Variants in KANSL1 observed in about 807,000 individuals in gnomAD.
KANSL1 encodes the protein MLL1/MLL complex subunit KANSL1.
Under a neutral mutation model 103.6 loss-of-function variants are expected in KANSL1, and 22 were observed. That is an observed-to-expected ratio of 0.21 (90% CI 0.15 to 0.30). The LOEUF is 0.30. Among genes scored for constraint, KANSL1 ranks in the 10% least tolerant of loss-of-function variants. KANSL1 has a pLI of 1.00. For missense variants in KANSL1, 1,337 were observed against 1,399.8 expected (o/e 0.96, Z 0.72); for synonymous variants, 600 against 527.6 (o/e 1.14, Z -1.88).
intron 2 of KANSL1, among the ~76,000 whole-genome samples, chr17:46,121,731 A>C (rs2043288985): frequency 6.6e-6 from 1 of 152,150 alleles, no homozygotes; most frequent in Admixed American, 6.6e-5. Flanking sequence ...AGCACTTAGT[A>C]ATTATTTGTT....
chr17:46,130,458 G>A (rs560086928), intron 2 of KANSL1, among the ~76,000 whole-genome samples: 20 of 152,204 alleles, frequency 1.3e-4, no homozygotes, highest in Non-Finnish European at 2.6e-4. Flanking sequence ...ATGTTAACAC[G>A]TGGGGGTCAC....
chr17:46,152,521 A>G (rs760150118), intron 2 of KANSL1, among the ~76,000 whole-genome samples: 1 of 144,772 alleles, frequency 6.9e-6, no homozygotes, highest in African/African-American at 2.5e-5. Context: ...TTTAGCCTCA[A>G]CTGTTACACA....
At chr17:46,034,977 G>A (rs1403883135) in intron 10 of KANSL1, 1 of 152,222 alleles carries the variant, frequency 6.6e-6, no homozygotes, top group African/African-American at 2.4e-5. Flanking sequence ...AAGGAAATTT[G>A]CTTCTATAGG....
chr17:46,033,566 C>T, intron 11 of KANSL1, 106 bp from the exon 12 acceptor site: 1 of 892,942 alleles, frequency 1.1e-6, no homozygotes, highest in Admixed American at 1.9e-5. Flanking sequence ...GTGGGTGACA[C>T]TGCTCTCTGC....
chr17:46,170,979 C>T lies in KANSL1; in HGVS notation c.1165G>A (p.Ala389Thr), dbSNP rs761900361. 1.9e-6 allele frequency: 3 copies of T among 1,614,082 alleles called. No homozygotes were observed. The highest frequency in any genetic ancestry group is 2.5e-6 in the Non-Finnish European group (3 of 1,180,066). ...GCCTGTTCACTGCACCTCAAGTTGG[C>T]TATGCCACTAGCTGTAAATCTCTCC... ...ELERFTASGI[A>T]NLRCSEQAFD... Residue 389 changes from alanine (A) to threonine (T), a missense_variant, in exon 2 of 15, where the codon GCC becomes ACC. Transcript: ENST00000432791.
chr17:46,204,598 T>C (rs2463516), intron 1 of KANSL1, among the ~76,000 whole-genome samples: 17,273 of 150,330 alleles, frequency 0.11, no homozygotes, highest in Non-Finnish European at 0.17. Context: ...ACATCTCAAC[T>C]CATTCAATAA....
chr17:46,146,500 A>G (rs1416067135), intron 2 of KANSL1, among the ~76,000 whole-genome samples: 2 of 152,240 alleles, frequency 1.3e-5, no homozygotes, highest in Non-Finnish European at 2.9e-5. Context: ...GGGCTACCCC[A>G]TAGGCAGAGA....
intron 1 of KANSL1, among the ~76,000 whole-genome samples, chr17:46,206,083 C>CAAAAA (rs71226716): frequency 1.6e-4 from 14 of 89,592 alleles, no homozygotes; most frequent in Non-Finnish European, 2.4e-4. Flanking sequence ...CTGTGTCCCC[C>CAAAAA]AAAAAAAAAA....
intron 2 of KANSL1, among the ~76,000 whole-genome samples, chr17:46,120,569 C>A (rs2043234884): frequency 6.6e-6 from 1 of 152,106 alleles, no homozygotes; most frequent in Admixed American, 6.5e-5. Flanking sequence ...CCAGAAATGA[C>A]CTCAACAATC....
At chr17:46,187,683 G>C (rs1272183295) in intron 1 of KANSL1, among the ~76,000 whole-genome samples, 1 of 152,222 alleles carries the variant, frequency 6.6e-6, no homozygotes, top group Non-Finnish European at 1.5e-5. Context: ...GAAAAGCAAG[G>C]CTTGCAGAAA....
chr17:46,057,196 C>G (rs928632303), intron 6 of KANSL1, among the ~76,000 whole-genome samples: 4 of 152,170 alleles, frequency 2.6e-5, no homozygotes, highest in African/African-American at 9.7e-5. Flanking sequence ...TACCAAAGAT[C>G]AGATAACGTT....
intron 3 of KANSL1, 52 bp downstream of exon 3, chr17:46,094,508 G>A: frequency 6.3e-6 from 10 of 1,581,820 alleles, no homozygotes; most frequent in South Asian, 2.2e-5. Context: ...TGAGAAAAGC[G>A]ATATTGATAG....
chr17:46,031,499 C>T lies in KANSL1; in HGVS notation c.3295G>A (p.Ala1099Thr), dbSNP rs560719955. 8 of 1,612,768 alleles carry T rather than the reference C, an allele frequency of 5.0e-6. No homozygotes were observed. In the South Asian group the frequency reaches 8.8e-5, roughly 18 times the overall value. The part of the protein sequence containing the change: ...KSRHLVAAAT[A>T]QRPTHR Reference sequence around the variant, plus strand: ...GCTCATCTGTGAGTCGGGCGCTGAGCTGTGGCTGCTGCCACCAGATGCCGA... The same window carrying T: ...GCTCATCTGTGAGTCGGGCGCTGAGTTGTGGCTGCTGCCACCAGATGCCGA... The change falls in exon 15 of 15, where the codon GCT becomes ACT. Residue 1099 changes from alanine (A) to threonine (T), a missense_variant. Physicochemically the swap from Ala to Thr is moderately conservative, Grantham distance 58. This residue lies in a region of KANSL1 where 780 missense variants were observed against 923.4 expected (regional missense o/e 0.84). Coordinates refer to ENST00000432791, the MANE Select transcript of KANSL1 (RefSeq NM_015443.4).
intron 2 of KANSL1, among the ~76,000 whole-genome samples, chr17:46,099,338 C>CA (rs2042215336): frequency 9.4e-6 from 1 of 105,826 alleles, no homozygotes; most frequent in Non-Finnish European, 2.4e-5. Flanking sequence ...AAAAAAAAAA[C>CA]AAAACAAAAA....
chr17:46,044,131 A>T (rs2077421140), intron 7 of KANSL1: 1 of 152,230 alleles, frequency 6.6e-6, no homozygotes, highest in African/African-American at 2.4e-5. Context: ...AAAAAAAGGG[A>T]TATGAAATGG....
intron 1 of KANSL1, among the ~76,000 whole-genome samples, chr17:46,184,907 T>C (rs1177442665): frequency 2.7e-5 from 4 of 150,670 alleles, no homozygotes; most frequent in African/African-American, 4.9e-5. Flanking sequence ...CGGCACAATA[T>C]TGGCTCACTG....
rs184376830 is a variant in KANSL1 at position 46,103,094 on chromosome 17, G to A, written c.1290-8393C>T. On this transcript the variant is annotated intron_variant, in intron 2 of 14. Transcript: ENST00000432791. ...GGTTAGAACTCCAACAGTGAACAAC[G>A]AAAAGAATTCATTCAACTTGACAAT... Among the ~76,000 whole-genome samples, 10 of 152,350 alleles carry A rather than the reference G, an allele frequency of 6.6e-5. No homozygotes were observed. The East Asian group carries it at 1.7e-3, about 26-fold the overall frequency.
intron 6 of KANSL1, among the ~76,000 whole-genome samples, chr17:46,054,910 G>A (rs2077863224): frequency 6.6e-6 from 1 of 151,022 alleles, no homozygotes; most frequent in Admixed American, 6.6e-5. Context: ...GAGTGCAGTG[G>A]TGGGATCTCA....
At chr17:46,158,521 CCCAG>C (rs1303674014) in intron 2 of KANSL1, among the ~76,000 whole-genome samples, 9 of 152,004 alleles carry the variant, frequency 5.9e-5, no homozygotes, top group African/African-American at 2.2e-4. Context: ...TGTCACCATG[CCCAG>C]CCAATTTTTG....
Sources: allele counts gnomAD v4.1 joint callset (sites outside exome capture counted in the v4.1 genomes callset), GRCh38; gene constraint gnomAD v4.1.1; regional missense constraint gnomAD v4.1.1; transcripts MANE v1.5; gene names NCBI Gene and HGNC (gene_info 2026-07-23, HGNC 2026-07-21).